CRPPA: variants seen among roughly 807,000 people sequenced by gnomAD.
The protein encoded by CRPPA is D-ribitol-5-phosphate cytidylyltransferase.
CRPPA carries 43 observed loss-of-function variants against 52.0 expected under a neutral mutation model. That is an observed-to-expected ratio of 0.83 (90% CI 0.65 to 1.07). The LOEUF is 1.07. Ranked by LOEUF, CRPPA falls within the 50% of genes least tolerant of loss-of-function variation. CRPPA has a pLI of 0.00. For synonymous variants in CRPPA, 250 were observed against 203.5 expected (o/e 1.23, Z -1.94); for missense variants, 629 against 551.7 (o/e 1.14, Z -1.40).
intron 8 of CRPPA, among the ~76,000 whole-genome samples, chr7:16,243,808 A>T (rs111378854): frequency 0.032 from 4,877 of 152,202 alleles, 260 homozygotes; most frequent in African/African-American, 0.11. Flanking sequence ...TCTACCAAAA[A>T]TTAAAAAAAT....
At chr7:16,119,353 G>T (rs1039642220) in intron 9 of CRPPA, among the ~76,000 whole-genome samples, 4 of 151,052 alleles carry the variant, frequency 2.6e-5, no homozygotes, top group Non-Finnish European at 4.4e-5. Flanking sequence ...TTCATTTTCA[G>T]TGTTTCCATT....
rs1328605346 is a variant in CRPPA at position 16,221,355 on chromosome 7, T to C, written c.1120-5158A>G. On this transcript the variant is annotated intron_variant, in intron 8 of 9. Coordinates refer to ENST00000407010, the MANE Select transcript of CRPPA (RefSeq NM_001101426.4). The stretch of plus-strand genomic sequence containing the variant: ...ACCATAAAAACCCTAGAAGAAAACC[T>C]AGGCATCACCATTCAGGACATAGGC... 2.6e-5 allele frequency among the ~76,000 whole-genome samples: 4 copies of C among 152,224 alleles called. No individual in the cohort carries two copies. The East Asian group carries it at 7.7e-4, about 29-fold the overall frequency.
At chr7:16,407,638 C>T (rs1475974426) in intron 1 of CRPPA, among the ~76,000 whole-genome samples, 1 of 152,084 alleles carries the variant, frequency 6.6e-6, no homozygotes, top group African/African-American at 2.4e-5. Flanking sequence ...GTTGCCTCAC[C>T]CAGTAATGTC....
At chr7:16,330,738 T>TA (rs567598601) in intron 3 of CRPPA, among the ~76,000 whole-genome samples, 206 of 151,694 alleles carry the variant, frequency 1.4e-3, no homozygotes, top group African/African-American at 3.6e-3. Flanking sequence ...AGAAGGAAAA[T>TA]AAAAAAAATT....
chr7:16,091,922 C>G (rs745680919), intron 9 of CRPPA, 123 bp from the exon 10 acceptor site: 36 of 526,422 alleles, frequency 6.8e-5, no homozygotes, highest in Non-Finnish European at 1.1e-4. Context: ...AACTCAGACT[C>G]TAGCCACTGT....
intron 9 of CRPPA, among the ~76,000 whole-genome samples, chr7:16,213,254 A>G (rs1355672122): frequency 1.3e-5 from 2 of 152,192 alleles, no homozygotes; most frequent in Non-Finnish European, 2.9e-5. Flanking sequence ...ATGGATCTTA[A>G]TGATGACTTG....
intron 5 of CRPPA, among the ~76,000 whole-genome samples, chr7:16,279,839 G>C (rs946932112): frequency 6.6e-6 from 1 of 152,156 alleles, no homozygotes; most frequent in African/African-American, 2.4e-5. Flanking sequence ...ATATTAGTTT[G>C]TTTTCACACT....
chr7:16,189,441 C>T (rs779820213), intron 9 of CRPPA, among the ~76,000 whole-genome samples: 1 of 152,118 alleles, frequency 6.6e-6, no homozygotes, highest in Non-Finnish European at 1.5e-5. Flanking sequence ...GTGATGGCTG[C>T]ATATTTACCA....
chr7:16,226,953 A>T (rs548404155), intron 8 of CRPPA, among the ~76,000 whole-genome samples: 23 of 151,894 alleles, frequency 1.5e-4, no homozygotes, highest in Non-Finnish European at 2.8e-4. Flanking sequence ...CTGCCATAGT[A>T]TCAACTCTTT....
chr7:16,286,097 A>ATATATATATATGT (rs1554309941), intron 5 of CRPPA, among the ~76,000 whole-genome samples: 1 of 39,130 alleles, frequency 2.6e-5, no homozygotes, highest in African/African-American at 1.8e-4. Context: ...TAAAAAAAAA[A>ATATATATATATGT]ATATATATAT....
intron 9 of CRPPA, among the ~76,000 whole-genome samples, chr7:16,213,485 A>T (rs1782208218): frequency 6.6e-6 from 1 of 152,098 alleles, no homozygotes; most frequent in African/African-American, 2.4e-5. Flanking sequence ...GCGGTGGCTC[A>T]CACCTGTAAT....
At chr7:16,356,358 C>T (rs940474316) in intron 3 of CRPPA, among the ~76,000 whole-genome samples, 2 of 152,270 alleles carry the variant, frequency 1.3e-5, no homozygotes, top group African/African-American at 4.8e-5. Context: ...CTGTCTGATT[C>T]CACATTTCCT....
intron 9 of CRPPA, among the ~76,000 whole-genome samples, chr7:16,124,349 C>T (rs1583373183): frequency 6.6e-6 from 1 of 151,854 alleles, no homozygotes; most frequent in East Asian, 1.9e-4. Flanking sequence ...TGAGAAGTGA[C>T]TTTCAGATTA....
chr7:16,095,573 G>A (rs1781920320), intron 9 of CRPPA, among the ~76,000 whole-genome samples: 1 of 152,116 alleles, frequency 6.6e-6, no homozygotes, highest in African/African-American at 2.4e-5. Flanking sequence ...ACTTATGTGA[G>A]AATATTTTTT....
At chr7:16,227,200 G>C (rs75666117) in intron 8 of CRPPA, among the ~76,000 whole-genome samples, 1 of 151,940 alleles carries the variant, frequency 6.6e-6, no homozygotes, top group African/African-American at 2.4e-5. Context: ...ATGAACATAA[G>C]AGTACAGATG....
intron 3 of CRPPA, 56 bp downstream of exon 3, chr7:16,376,036 G>C: frequency 6.6e-7 from 1 of 1,508,404 alleles, no homozygotes; most frequent in South Asian, 1.3e-5. Flanking sequence ...CAAATGTGGA[G>C]GTTGTTTGGG....
chr7:16,219,959 C>G (rs1293459569), intron 8 of CRPPA, among the ~76,000 whole-genome samples: 2 of 147,532 alleles, frequency 1.4e-5, no homozygotes, highest in Non-Finnish European at 3.0e-5. Context: ...CAACATCATT[C>G]TGATACCAAA....
At chr7:16,365,944 T>C (rs1021332278) in intron 3 of CRPPA, among the ~76,000 whole-genome samples, 10 of 152,182 alleles carry the variant, frequency 6.6e-5, no homozygotes, top group African/African-American at 2.2e-4. Context: ...CATTAAAGCA[T>C]ATTGAAATGT....
intron 9 of CRPPA, among the ~76,000 whole-genome samples, chr7:16,114,288 G>A (rs1234474217): frequency 6.1e-5 from 8 of 130,674 alleles, no homozygotes; most frequent in Admixed American, 2.6e-4. Context: ...AAGTAGACAC[G>A]CACACATACA....
Sources: allele counts gnomAD v4.1 joint callset (sites outside exome capture counted in the v4.1 genomes callset), GRCh38; gene constraint gnomAD v4.1.1; transcripts MANE v1.5; gene names NCBI Gene and HGNC (gene_info 2026-07-23, HGNC 2026-07-21).